Variants in TRIO observed in about 807,000 individuals in gnomAD.
TRIO encodes trio Rho guanine nucleotide exchange factor.
A neutral mutation model predicts 351.9 loss-of-function variants in TRIO; 58 were observed. The ratio of observed to expected loss-of-function variants is 0.16; its 90% CI spans 0.13 to 0.21. The LOEUF is 0.21. Among genes scored for constraint, TRIO ranks in the 10% least tolerant of loss-of-function variants. The probability of loss-of-function intolerance (pLI) is 1.00; values close to 1 mark genes in which losing one functional copy is unlikely to be tolerated. For missense variants in TRIO, 3,201 were observed against 4,027.8 expected, an observed-to-expected ratio of 0.79 and a Z score of 5.56; for synonymous variants, 1,758 against 1,595.7, an observed-to-expected ratio of 1.10 and a Z score of -2.42.
intron 2 of TRIO, among the ~76,000 whole-genome samples, chr5:14,277,823 T>G (rs910420916): frequency 6.6e-6 from 1 of 152,230 alleles, no homozygotes; most frequent in Non-Finnish European, 1.5e-5. Flanking sequence ...GAACTATACT[T>G]CATCCTTTCT....
intron 1 of TRIO, among the ~76,000 whole-genome samples, chr5:14,144,128 C>T (rs1787343219): frequency 1.3e-5 from 2 of 152,120 alleles, no homozygotes; most frequent in Non-Finnish European, 2.9e-5. Flanking sequence ...CCTCGCCCTC[C>T]CTGCGCCCGC....
At chr5:14,500,986 G>A (rs1428910720) in intron 53 of TRIO, among the ~76,000 whole-genome samples, 2 of 150,842 alleles carry the variant, frequency 1.3e-5, no homozygotes, top group Non-Finnish European at 2.9e-5. Flanking sequence ...TCTGTCTCTG[G>A]GTCTGGTTGG....
chr5:14,287,090 A>G (rs989790557), intron 4 of TRIO, 27 bp downstream of exon 4: 2 of 1,605,446 alleles, frequency 1.2e-6, no homozygotes, highest in African/African-American at 2.7e-5. Flanking sequence ...GGCTAGACCC[A>G]CTAAACAAGT....
chr5:14,486,491 G>C (rs1469014107), intron 47 of TRIO, among the ~76,000 whole-genome samples: 1 of 152,196 alleles, frequency 6.6e-6, no homozygotes, highest in African/African-American at 2.4e-5. Context: ...TGAGGATAGG[G>C]AGGCACAGTT....
At chr5:14,425,289 G>A (rs1330734458) in intron 34 of TRIO, among the ~76,000 whole-genome samples, 1 of 152,188 alleles carries the variant, frequency 6.6e-6, no homozygotes, top group East Asian at 1.9e-4. Context: ...TTTGACTGTT[G>A]TAGGTGCCTC....
chr5:14,338,615 T>A (rs1255217263), intron 11 of TRIO, among the ~76,000 whole-genome samples: 1 of 152,196 alleles, frequency 6.6e-6, no homozygotes, highest in East Asian at 1.9e-4. Context: ...GCTGTGACAT[T>A]GACAGAACAT....
intron 1 of TRIO, among the ~76,000 whole-genome samples, chr5:14,188,036 G>C (rs1412905411): frequency 6.6e-6 from 1 of 152,186 alleles, no homozygotes; most frequent in Non-Finnish European, 1.5e-5. Flanking sequence ...AGTTAGACTA[G>C]AACACCTTCA....
rs75460775 is a variant in TRIO at position 14,308,211 on chromosome 5, T to C, written c.1500+3619T>C. Among the ~76,000 whole-genome samples the C allele has an allele frequency of 7.1e-3, 1,074 of 152,234 alleles. 17 individuals carry two copies. The highest frequency in any genetic ancestry group is 0.025 in the African/African-American group (1,034 of 41,520). On this transcript the variant is annotated intron_variant, in intron 8 of 56. Coordinates refer to ENST00000344204, the MANE Select transcript of TRIO (RefSeq NM_007118.4). ...TTAGCAGACAGACTTATGAAACATATGAATGCCATCCATTCACCCATCCAT... is the reference window on the plus strand; with the variant it reads ...TTAGCAGACAGACTTATGAAACATACGAATGCCATCCATTCACCCATCCAT...
chr5:14,452,931 T>C (rs1299785243), intron 34 of TRIO, among the ~76,000 whole-genome samples: 1 of 152,144 alleles, frequency 6.6e-6, no homozygotes, highest in Non-Finnish European at 1.5e-5. Context: ...ATCACAGATG[T>C]CCCAAATTTA....
intron 1 of TRIO, among the ~76,000 whole-genome samples, chr5:14,164,869 G>A (rs749791199): frequency 4.6e-5 from 7 of 152,204 alleles, no homozygotes; most frequent in Admixed American, 2.0e-4. Context: ...AAGTGTTGCT[G>A]TCATTTTGCC....
intron 1 of TRIO, among the ~76,000 whole-genome samples, chr5:14,153,672 C>T (rs1787954719): frequency 6.6e-6 from 1 of 152,112 alleles, no homozygotes; most frequent in Admixed American, 6.5e-5. Flanking sequence ...GGCAAGCGAC[C>T]TGCTTGCCCC....
At chr5:14,490,467 G>A (rs1489513035) in intron 48 of TRIO, among the ~76,000 whole-genome samples, 1 of 152,256 alleles carries the variant, frequency 6.6e-6, no homozygotes. Flanking sequence ...GGAGTGACAT[G>A]GATGTGGATC....
At chr5:14,236,219 T>C (rs566183435) in intron 1 of TRIO, among the ~76,000 whole-genome samples, 1 of 151,920 alleles carries the variant, frequency 6.6e-6, no homozygotes, top group Admixed American at 6.6e-5. Context: ...AAAGGAAAAA[T>C]ATGATTAACG....
chr5:14,275,202 A>G (rs1447112325), intron 2 of TRIO, among the ~76,000 whole-genome samples: 1 of 152,240 alleles, frequency 6.6e-6, no homozygotes, highest in Non-Finnish European at 1.5e-5. Flanking sequence ...TTATGTGGAC[A>G]TAATTACTTA....
chr5:14,438,241 T>C (rs1751753549), intron 34 of TRIO, among the ~76,000 whole-genome samples: 1 of 152,242 alleles, frequency 6.6e-6, no homozygotes, highest in African/African-American at 2.4e-5. Context: ...CCATCTGCAC[T>C]AAACCTGTCT....
chr5:14,455,213 C>T (rs1035977802), intron 34 of TRIO, among the ~76,000 whole-genome samples: 9 of 152,286 alleles, frequency 5.9e-5, no homozygotes, highest in African/African-American at 2.2e-4. Context: ...GCTTTTATTC[C>T]CTTATCTGAC....
intron 11 of TRIO, 42 bp downstream of exon 11, chr5:14,336,769 G>C: frequency 6.2e-7 from 1 of 1,604,392 alleles, no homozygotes; most frequent in Non-Finnish European, 8.5e-7. Context: ...TGCTTGAAAG[G>C]GTCTTTGAAC....
chr5:14,431,856 T>A (rs1261687846), intron 34 of TRIO, among the ~76,000 whole-genome samples: 1 of 152,244 alleles, frequency 6.6e-6, no homozygotes, highest in Non-Finnish European at 1.5e-5. Context: ...ATGGCCACCC[T>A]CTTGCTGATT....
At chr5:14,298,299 G>A (rs1737542358) in intron 7 of TRIO, among the ~76,000 whole-genome samples, 1 of 152,170 alleles carries the variant, frequency 6.6e-6, no homozygotes, top group African/African-American at 2.4e-5. Context: ...AAAGGGATTT[G>A]CTCATGACTC....
Sources: gnomAD v4.1 joint callset for allele counts (sites outside exome capture counted in the v4.1 genomes callset) on GRCh38, gnomAD v4.1.1 for gene constraint, MANE v1.5 for transcripts, NCBI Gene and HGNC (gene_info 2026-07-23, HGNC 2026-07-21) for gene names.